The following NELL2 variants were observed in gnomAD, a reference collection of about 807,000 sequenced individuals.
NELL2 encodes the protein neural EGFL like 2.
Under a neutral mutation model 109.6 loss-of-function variants are expected in NELL2, and 41 were observed. The ratio of observed to expected loss-of-function variants is 0.37; its 90% confidence interval spans 0.29 to 0.49. The LOEUF (loss-of-function observed/expected upper bound fraction) is 0.49, where lower values mean the gene tolerates loss of function less well. NELL2 is among the 20% of genes least tolerant of loss of function. The probability of loss-of-function intolerance (pLI) is 0.98; values close to 1 mark genes in which losing one functional copy is unlikely to be tolerated. For missense variants in NELL2, 900 were observed against 1,008.3 expected, an observed-to-expected ratio of 0.89 and a Z score of 1.45; for synonymous variants, 355 against 344.7, an observed-to-expected ratio of 1.03 and a Z score of -0.33.
At chr12:44,641,348 C>T (rs1946846534) in intron 13 of NELL2, among the ~76,000 whole-genome samples, 1 of 152,012 alleles carries the variant, frequency 6.6e-6, no homozygotes, top group African/African-American at 2.4e-5. Flanking sequence ...AAAATTTAAT[C>T]AAATGTAATT....
chr12:44,797,966 A>G (rs1272528639), intron 3 of NELL2, among the ~76,000 whole-genome samples: 2 of 46,286 alleles, frequency 4.3e-5, no homozygotes, highest in African/African-American at 9.3e-5. Context: ...AAATCATTCC[A>G]TCCTAGATGG....
intron 13 of NELL2, among the ~76,000 whole-genome samples, chr12:44,662,967 C>T (rs955310139): frequency 2.6e-5 from 4 of 152,116 alleles, no homozygotes; most frequent in African/African-American, 9.7e-5. Flanking sequence ...ACGTCTCCTA[C>T]TACAAGTATG....
intron 13 of NELL2, among the ~76,000 whole-genome samples, chr12:44,639,226 G>A: frequency 6.6e-6 from 1 of 152,102 alleles, no homozygotes; most frequent in East Asian, 1.9e-4. Flanking sequence ...TATTAGGTAT[G>A]CCTAGAGGAA....
chr12:44,634,783 C>T (rs2136290605), intron 13 of NELL2, among the ~76,000 whole-genome samples: 1 of 152,224 alleles, frequency 6.6e-6, no homozygotes, highest in South Asian at 2.1e-4. Context: ...ATTTACACTC[C>T]CACGAACAGT....
intron 13 of NELL2, among the ~76,000 whole-genome samples, chr12:44,635,798 T>C (rs931775534): frequency 5.3e-5 from 8 of 152,320 alleles, no homozygotes; most frequent in African/African-American, 1.7e-4. Flanking sequence ...AAATTTAAAC[T>C]AGTTTTTTCT....
chr12:44,707,744 C>T (rs965366637), intron 11 of NELL2, among the ~76,000 whole-genome samples: 8 of 152,104 alleles, frequency 5.3e-5, no homozygotes, highest in Non-Finnish European at 1.2e-4. Context: ...TGGCTACCAC[C>T]GCTTAGGAAT....
At chr12:44,825,087 T>C (rs1301622648) in intron 2 of NELL2, among the ~76,000 whole-genome samples, 2 of 152,174 alleles carry the variant, frequency 1.3e-5, no homozygotes, top group Non-Finnish European at 2.9e-5. Context: ...CTTTGGCTAT[T>C]TGGGGTCTTT....
intron 15 of NELL2, among the ~76,000 whole-genome samples, chr12:44,541,353 TC>T (rs2139031918): frequency 6.6e-6 from 1 of 151,766 alleles, no homozygotes; most frequent in East Asian, 1.9e-4. Flanking sequence ...AGAGAATATT[TC>T]ATCTATAAAA....
At chr12:44,615,177 G>C (rs546907725) in intron 13 of NELL2, among the ~76,000 whole-genome samples, 11 of 152,160 alleles carry the variant, frequency 7.2e-5, no homozygotes, top group African/African-American at 2.4e-4. Flanking sequence ...GATCTGGTTG[G>C]ATCAGGTAGG....
intron 1 of NELL2, among the ~76,000 whole-genome samples, chr12:44,898,684 C>T (rs191517053): frequency 1.9e-3 from 283 of 152,206 alleles, no homozygotes; most frequent in African/African-American, 6.4e-3. Flanking sequence ...TTCCAAAAAC[C>T]AGAAGGCCTC....
chr12:44,715,170 T>C (rs1938420537), intron 9 of NELL2, among the ~76,000 whole-genome samples: 1 of 151,318 alleles, frequency 6.6e-6, no homozygotes, highest in Non-Finnish European at 1.5e-5. Context: ...AAATAGAACA[T>C]TATAATAGAA....
chr12:44,699,574 G>A (rs997157639), intron 12 of NELL2, among the ~76,000 whole-genome samples: 3 of 151,940 alleles, frequency 2.0e-5, no homozygotes, highest in Non-Finnish European at 4.4e-5. Flanking sequence ...CCCTTTGTAG[G>A]CAAACACCTA....
intron 1 of NELL2, among the ~76,000 whole-genome samples, chr12:44,892,564 G>A (rs150944832): frequency 0.016 from 2,478 of 152,028 alleles, 26 homozygotes; most frequent in Middle Eastern, 0.041. Flanking sequence ...TTGGGAGGCC[G>A]AGGCAGGCAG....
chr12:44,859,592 G>C (rs1187609358), intron 2 of NELL2, among the ~76,000 whole-genome samples: 1 of 152,106 alleles, frequency 6.6e-6, no homozygotes, highest in Non-Finnish European at 1.5e-5. Flanking sequence ...AAGCCTTGTT[G>C]TCTAATGCCT....
At chr12:44,624,325 A>C (rs188056935) in intron 13 of NELL2, among the ~76,000 whole-genome samples, 1 of 152,180 alleles carries the variant, frequency 6.6e-6, no homozygotes, top group African/African-American at 2.4e-5. Flanking sequence ...ATTCTTCCAC[A>C]AAATTAAAAA....
intron 15 of NELL2, among the ~76,000 whole-genome samples, chr12:44,584,030 T>G (rs1029799974): frequency 2.6e-5 from 4 of 152,224 alleles, no homozygotes; most frequent in African/African-American, 9.6e-5. Context: ...CACCTTGGCC[T>G]CCAGAAGTGC....
At chr12:44,899,095 C>T (rs1945629419) in intron 1 of NELL2, among the ~76,000 whole-genome samples, 1 of 151,728 alleles carries the variant, frequency 6.6e-6, no homozygotes, top group African/African-American at 2.4e-5. Flanking sequence ...ACAAAGCCTC[C>T]AGGAAATATG....
At chr12:44,809,585 A>G (rs114359273) in intron 3 of NELL2, among the ~76,000 whole-genome samples, 1,638 of 152,140 alleles carry the variant, frequency 0.011, 32 homozygotes, top group African/African-American at 0.037. Context: ...TTAATTTTTA[A>G]TATCAGCCTC....
rs139052675 is a variant in NELL2, at chr12:44,520,146, C to A, written c.2259G>T (p.Pro753=). Residue 753 remains proline (P), a synonymous_variant, in exon 19 of 20, where the codon CCG becomes CCT. Transcript: ENST00000429094. ...CCTGGCAAGGGTCTGTGACACAGCG[C>A]GGGCAGCACTCATTCTCTGGGAGAA... ...FSILPENECC[P]RCVTDPCQAD... 1 of 1,613,988 alleles carries A rather than the reference C, an allele frequency of 6.2e-7. No individual in the cohort carries two copies. Among genetic ancestry groups the A allele is most frequent in the South Asian group, 1.1e-5 (1 of 91,056 alleles).
Sources: allele counts gnomAD v4.1 joint callset (sites outside exome capture counted in the v4.1 genomes callset), GRCh38; gene constraint gnomAD v4.1.1; transcripts MANE v1.5; gene names NCBI Gene and HGNC (gene_info 2026-07-23, HGNC 2026-07-21).